Variants in CDK17 observed in about 807,000 individuals in gnomAD.
CDK17 encodes the protein cyclin dependent kinase 17.
CDK17 carries 24 observed loss-of-function variants against 77.6 expected under a neutral mutation model. That is an observed-to-expected ratio of 0.31 (90% CI 0.22 to 0.44). CDK17 has a LOEUF of 0.44. Among genes scored for constraint, CDK17 ranks in the 20% least tolerant of loss-of-function variants. The pLI is 1.00. For missense variants in CDK17, 429 were observed against 622.5 expected, an observed-to-expected ratio of 0.69 and a Z score of 3.31; for synonymous variants, 203 against 210.4, an observed-to-expected ratio of 0.96 and a Z score of 0.30.
At chr12:96,298,791 C>A in intron 7 of CDK17, 78 bp downstream of exon 7, 1 of 747,230 alleles carries the variant, frequency 1.3e-6, no homozygotes. Context: ...ACTTGTATAT[C>A]TGAGCTCTTT....
intron 1 of CDK17, among the ~76,000 whole-genome samples, chr12:96,338,219 T>C (rs913799022): frequency 9.2e-5 from 14 of 152,194 alleles, no homozygotes; most frequent in African/African-American, 3.4e-4. Context: ...TTGAAGCTCT[T>C]TGCATGTTGT....
At chr12:96,309,595 A>C (rs1391115149) in intron 5 of CDK17, among the ~76,000 whole-genome samples, 2 of 152,216 alleles carry the variant, frequency 1.3e-5, no homozygotes, top group Non-Finnish European at 2.9e-5. Flanking sequence ...CCTGTATATA[A>C]AGTATACTTA....
intron 1 of CDK17, among the ~76,000 whole-genome samples, chr12:96,345,822 G>C (rs1953200780): frequency 6.6e-6 from 1 of 152,064 alleles, no homozygotes; most frequent in South Asian, 2.1e-4. Context: ...AGAATGGTAT[G>C]CTATTTTAAA....
intron 3 of CDK17, among the ~76,000 whole-genome samples, chr12:96,317,198 A>G (rs1307470319): frequency 1.3e-5 from 2 of 150,380 alleles, no homozygotes; most frequent in Non-Finnish European, 3.0e-5. Context: ...ACTGGAAGAA[A>G]GGGTATCAGC....
intron 1 of CDK17, among the ~76,000 whole-genome samples, chr12:96,365,385 C>A (rs553204425): frequency 6.6e-6 from 1 of 152,080 alleles, no homozygotes; most frequent in Admixed American, 6.5e-5. Flanking sequence ...AAGGAGAAAA[C>A]AAAAGCTCAA....
chr12:96,373,543 C>T (rs1189117610), intron 1 of CDK17, among the ~76,000 whole-genome samples: 1 of 151,736 alleles, frequency 6.6e-6, no homozygotes, highest in East Asian at 1.9e-4. Flanking sequence ...TGCAGTGAGC[C>T]GAGATTGCGC....
intron 1 of CDK17, among the ~76,000 whole-genome samples, chr12:96,383,650 A>T (rs1953923537): frequency 6.6e-6 from 1 of 152,218 alleles, no homozygotes; most frequent in African/African-American, 2.4e-5. Flanking sequence ...TGATCAACAA[A>T]GTTGCCAAAA....
intron 3 of CDK17, among the ~76,000 whole-genome samples, chr12:96,314,721 A>ACTTT (rs1952686858): frequency 6.6e-6 from 1 of 152,198 alleles, no homozygotes; most frequent in Admixed American, 6.5e-5. Context: ...CTCTCTTGCC[A>ACTTT]CTATTACTTT....
intron 2 of CDK17, among the ~76,000 whole-genome samples, chr12:96,328,893 G>A (rs1167151436): frequency 6.6e-6 from 1 of 152,172 alleles, no homozygotes. Context: ...TGCGGCCCAT[G>A]AGAGAGCCAC....
At chr12:96,366,684 A>C (rs1034851074) in intron 1 of CDK17, among the ~76,000 whole-genome samples, 1 of 152,134 alleles carries the variant, frequency 6.6e-6, no homozygotes, top group African/African-American at 2.4e-5. Flanking sequence ...TATACCCATA[A>C]CTCTGGACAA....
chr12:96,342,560 TCAAA>T (rs747936512), intron 1 of CDK17, among the ~76,000 whole-genome samples: 271 of 151,898 alleles, frequency 1.8e-3, no homozygotes, highest in African/African-American at 5.2e-3. Context: ...AGATGCCATG[TCAAA>T]CAAACAAACA....
At position 96,334,607 on chromosome 12, in the gene CDK17, G is replaced by A; in HGVS notation, c.118+112C>T. ...AATTTCCTAAGAAACCATGGAATGA[G>A]ACAGAAATAAACAAAGGGAAGCTAT... On this transcript the variant is annotated intron_variant, in intron 2 of 16. Transcript: ENST00000261211. 4 of 627,336 alleles carry A rather than the reference G, an allele frequency of 6.4e-6. No individual in the cohort carries two copies. In the South Asian group the frequency reaches 6.5e-5, roughly 10 times the overall value. The allele number at this position is 627,336 out of a possible 1,614,324, so 38.9% of individuals were successfully genotyped here.
At chr12:96,380,936 C>A (rs1488889394) in intron 1 of CDK17, among the ~76,000 whole-genome samples, 1 of 151,954 alleles carries the variant, frequency 6.6e-6, no homozygotes, top group African/African-American at 2.4e-5. Context: ...TTTATCCTAC[C>A]TAGGAAGTGG....
At chr12:96,326,287 T>G (rs529508254) in intron 2 of CDK17, among the ~76,000 whole-genome samples, 2 of 152,234 alleles carry the variant, frequency 1.3e-5, no homozygotes, top group African/African-American at 4.8e-5. Context: ...AACAAAGTAC[T>G]GATCTCAGAG....
At chr12:96,283,984 C>T (rs560561077) in intron 13 of CDK17, among the ~76,000 whole-genome samples, 90 of 152,234 alleles carry the variant, frequency 5.9e-4, no homozygotes, top group South Asian at 1.9e-3. Context: ...TTTCACTAAA[C>T]GCAAGTATAT....
At chr12:96,392,770 A>T (rs1954091016) in intron 1 of CDK17, among the ~76,000 whole-genome samples, 1 of 152,214 alleles carries the variant, frequency 6.6e-6, no homozygotes, top group Non-Finnish European at 1.5e-5. Flanking sequence ...CTAGATTAGA[A>T]ATAAAGAGGT....
Position 96,315,715 on chromosome 12 carries a change from CAA to C in CDK17, c.284-2263_284-2262del, listed in dbSNP as rs1251868714. On this transcript the variant is annotated intron_variant, in intron 3 of 16. Coordinates refer to ENST00000261211, the MANE Select transcript of CDK17 (RefSeq NM_002595.5). ...ATTGGTAATACCTAGGAAGCAAAAA[CAA>C]AGAGAGGACTGAAAACCCAAAGCTG... is the stretch of plus-strand genomic sequence containing the variant. Among the ~76,000 whole-genome samples the C allele has an allele frequency of 4.6e-5, 7 of 152,122 alleles. No homozygotes were observed. In the East Asian group the frequency reaches 1.4e-3, roughly 29 times the overall value.
At chr12:96,283,455 T>C (rs1238082870) in intron 14 of CDK17, 148 bp downstream of exon 14, 4 of 666,944 alleles carry the variant, frequency 6.0e-6, no homozygotes, top group Admixed American at 2.6e-5. Flanking sequence ...ATGTTTTTTT[T>C]TTTTTTTTTA....
At chr12:96,343,204 A>G (rs914333286) in intron 1 of CDK17, among the ~76,000 whole-genome samples, 2 of 152,222 alleles carry the variant, frequency 1.3e-5, no homozygotes, top group African/African-American at 4.8e-5. Flanking sequence ...TGGAAAAACA[A>G]CAAGAATCAA....
Sources: allele counts gnomAD v4.1 joint callset (sites outside exome capture counted in the v4.1 genomes callset), GRCh38; gene constraint gnomAD v4.1.1; transcripts MANE v1.5; gene names NCBI Gene and HGNC (gene_info 2026-07-23, HGNC 2026-07-21).